KIAA1328: variants seen among roughly 807,000 people sequenced by gnomAD.
The protein encoded by KIAA1328 is protein hinderin.
A neutral mutation model predicts 68.1 loss-of-function variants in KIAA1328; 52 were observed. The observed-to-expected ratio is 0.76, with a 90% CI of 0.61 to 0.96. The LOEUF is 0.96. KIAA1328 is among the 40% of genes least tolerant of loss of function. The pLI, the probability that KIAA1328 is intolerant of heterozygous loss-of-function variation, is 0.00. For synonymous variants in KIAA1328, 232 were observed against 239.4 expected (o/e 0.97, Z 0.28); for missense variants, 641 against 677.6 (o/e 0.95, Z 0.60).
At position 37,067,569 on chromosome 18, in the gene KIAA1328, T is replaced by TC. The variant is rs1418822470; in HGVS notation, c.1232+24_1232+25insC. ...TGGTGAGTACTGCCTGTTCTTTTTT[T>TC]TTTTTTTTTGAGACGAAATCTCGCC... On this transcript the variant is annotated intron_variant, in intron 7 of 9. Coordinates refer to ENST00000280020, the MANE Select transcript of KIAA1328 (RefSeq NM_020776.3). 4.1e-6 allele frequency: 6 copies of TC among 1,459,810 alleles called. No individual in the cohort carries two copies. In the East Asian group the frequency reaches 1.2e-4, roughly 30 times the overall value. The allele number at this position is 1,459,810 out of a possible 1,614,324, so 90.4% of individuals were successfully genotyped here. A position where few individuals can be genotyped will look rare whatever the true frequency, so the allele number is the denominator to read the frequency against.
chr18:37,023,743 TC>T (rs1168733003), intron 6 of KIAA1328, among the ~76,000 whole-genome samples: 1 of 152,220 alleles, frequency 6.6e-6, no homozygotes, highest in Admixed American at 6.5e-5. Context: ...TACTTCATTA[TC>T]TCTGCAGTGT....
At chr18:37,143,450 C>G (rs1340852047) in intron 7 of KIAA1328, among the ~76,000 whole-genome samples, 1 of 150,328 alleles carries the variant, frequency 6.7e-6, no homozygotes, top group Admixed American at 6.6e-5. Context: ...TATTGAAATT[C>G]ACAATCTCAT....
chr18:37,205,074 T>A (rs779438764), intron 9 of KIAA1328, among the ~76,000 whole-genome samples: 10 of 152,120 alleles, frequency 6.6e-5, no homozygotes, highest in Non-Finnish European at 1.3e-4. Context: ...ACAAGTCATC[T>A]CCAAAGAGGT....
chr18:37,025,579 C>A (rs1343837641), intron 6 of KIAA1328, among the ~76,000 whole-genome samples: 1 of 152,166 alleles, frequency 6.6e-6, no homozygotes, highest in Non-Finnish European at 1.5e-5. Flanking sequence ...TCACTCAAAA[C>A]CGCTCAACTA....
At chr18:37,135,773 T>G (rs2154206859) in intron 7 of KIAA1328, among the ~76,000 whole-genome samples, 1 of 152,320 alleles carries the variant, frequency 6.6e-6, no homozygotes, top group African/African-American at 2.4e-5. Context: ...ATGTCCAGAA[T>G]GATATTTCCT....
chr18:36,909,193 T>A (rs1237110473), intron 5 of KIAA1328, among the ~76,000 whole-genome samples: 1 of 152,180 alleles, frequency 6.6e-6, no homozygotes, highest in Non-Finnish European at 1.5e-5. Flanking sequence ...GCAGGTTTGT[T>A]ACATATGTAT....
At chr18:36,904,980 C>T (rs2151045577) in intron 5 of KIAA1328, among the ~76,000 whole-genome samples, 1 of 151,892 alleles carries the variant, frequency 6.6e-6, no homozygotes, top group South Asian at 2.1e-4. Flanking sequence ...TAGTATAATA[C>T]TATTTTTCTC....
At chr18:36,858,752 G>A (rs1265387443) in intron 4 of KIAA1328, among the ~76,000 whole-genome samples, 2 of 152,160 alleles carry the variant, frequency 1.3e-5, no homozygotes, top group African/African-American at 4.8e-5. Flanking sequence ...TCTAGGACTA[G>A]ACTGGGTTTT....
intron 7 of KIAA1328, among the ~76,000 whole-genome samples, chr18:37,156,123 T>C (rs1041169046): frequency 2.0e-5 from 3 of 151,984 alleles, no homozygotes; most frequent in Non-Finnish European, 4.4e-5. Flanking sequence ...GAACCAGGGC[T>C]GGGCCGGGCT....
At chr18:37,199,582 C>T (rs2060068641) in intron 9 of KIAA1328, among the ~76,000 whole-genome samples, 2 of 152,048 alleles carry the variant, frequency 1.3e-5, no homozygotes, top group African/African-American at 4.8e-5. Context: ...TTATAATAGA[C>T]TGATTTATAT....
At chr18:37,096,526 C>A (rs1223032470) in intron 7 of KIAA1328, among the ~76,000 whole-genome samples, 1 of 152,152 alleles carries the variant, frequency 6.6e-6, no homozygotes, top group African/African-American at 2.4e-5. Context: ...TGAATACTGC[C>A]ACAATAAACA....
At chr18:37,196,304 A>G (rs913973009) in intron 9 of KIAA1328, among the ~76,000 whole-genome samples, 1 of 152,128 alleles carries the variant, frequency 6.6e-6, no homozygotes, top group Non-Finnish European at 1.5e-5. Context: ...TGCTCTGGCT[A>G]AGACTTCCAA....
chr18:37,190,655 T>C (rs1204450877), intron 9 of KIAA1328, among the ~76,000 whole-genome samples: 1 of 152,192 alleles, frequency 6.6e-6, no homozygotes, highest in African/African-American at 2.4e-5. Context: ...CTGAGCCTCT[T>C]GTGAGACACC....
intron 9 of KIAA1328, among the ~76,000 whole-genome samples, chr18:37,188,322 C>T (rs1374632006): frequency 6.6e-6 from 1 of 152,184 alleles, no homozygotes; most frequent in African/African-American, 2.4e-5. Context: ...GATAATACCC[C>T]ACAGCCAGCT....
At chr18:37,168,563 G>A (rs2059435380) in intron 8 of KIAA1328, among the ~76,000 whole-genome samples, 1 of 152,188 alleles carries the variant, frequency 6.6e-6, no homozygotes. Flanking sequence ...AAAATTATCA[G>A]CATAGGTAAA....
intron 6 of KIAA1328, among the ~76,000 whole-genome samples, chr18:37,008,879 AG>A (rs1157199226): frequency 2.0e-5 from 3 of 152,152 alleles, no homozygotes; most frequent in African/African-American, 7.2e-5. Flanking sequence ...GGAAAAAGAG[AG>A]GAAAAAAAAG....
At chr18:37,083,790 G>A (rs572286824) in intron 7 of KIAA1328, among the ~76,000 whole-genome samples, 4 of 152,138 alleles carry the variant, frequency 2.6e-5, no homozygotes, top group Non-Finnish European at 5.9e-5. Flanking sequence ...ACTGGTGATC[G>A]CAGTACACTT....
intron 9 of KIAA1328, among the ~76,000 whole-genome samples, chr18:37,208,104 T>C (rs900490441): frequency 5.9e-5 from 9 of 152,176 alleles, no homozygotes; most frequent in African/African-American, 2.2e-4. Flanking sequence ...CCACTGCACC[T>C]GGCCAGAATT....
At chr18:36,945,727 T>A (rs1407673558) in intron 5 of KIAA1328, among the ~76,000 whole-genome samples, 2 of 152,214 alleles carry the variant, frequency 1.3e-5, no homozygotes, top group Non-Finnish European at 2.9e-5. Context: ...TTAGAAATGA[T>A]ACTGTAAACT....
Sources: gnomAD v4.1 joint callset for allele counts (sites outside exome capture counted in the v4.1 genomes callset) on GRCh38, gnomAD v4.1.1 for gene constraint, MANE v1.5 for transcripts, NCBI Gene and HGNC (gene_info 2026-07-23, HGNC 2026-07-21) for gene names.